Variants in PRKN observed in about 807,000 individuals in gnomAD.
PRKN encodes parkin RBR E3 ubiquitin protein ligase.
Under a neutral mutation model 59.5 loss-of-function variants are expected in PRKN, and 56 were observed. The observed-to-expected ratio is 0.94, with a 90% CI of 0.76 to 1.18. The LOEUF is 1.18. Ranked by LOEUF, PRKN falls within the 50% of genes most tolerant of loss-of-function variation. The pLI is 0.00. For synonymous variants in PRKN, 250 were observed against 222.1 expected (o/e 1.13, Z -1.12); for missense variants, 657 against 596.4 (o/e 1.10, Z -1.06).
At chr6:162,449,009 TCCCGAGTA>T (rs1356381563) in intron 1 of PRKN, among the ~76,000 whole-genome samples, 1 of 151,936 alleles carries the variant, frequency 6.6e-6, no homozygotes, top group Admixed American at 6.6e-5. Context: ...TGCCTCAGCC[TCCCGAGTA>T]CCTGCGATTA....
At chr6:161,874,042 ATT>A (rs1227555190) in intron 6 of PRKN, among the ~76,000 whole-genome samples, 12 of 68,838 alleles carry the variant, frequency 1.7e-4, no homozygotes, top group South Asian at 4.6e-4. Flanking sequence ...TAAAATATAT[ATT>A]ATATGTAAAA....
At chr6:162,254,121 C>T (rs569705295) in intron 3 of PRKN, among the ~76,000 whole-genome samples, 9 of 152,158 alleles carry the variant, frequency 5.9e-5, no homozygotes, top group South Asian at 2.1e-4. Context: ...AAGGAAGGAC[C>T]GTCTTTGACT....
intron 2 of PRKN, among the ~76,000 whole-genome samples, chr6:162,387,730 G>C (rs1217558196): frequency 6.6e-6 from 1 of 152,218 alleles, no homozygotes; most frequent in East Asian, 1.9e-4. Context: ...AGCCACACAA[G>C]TGTGGTATCT....
chr6:162,306,677 T>C (rs1465366240), intron 2 of PRKN, among the ~76,000 whole-genome samples: 2 of 152,202 alleles, frequency 1.3e-5, no homozygotes, highest in African/African-American at 4.8e-5. Context: ...TGTCCGGTAC[T>C]ACGCCAGGCA....
At chr6:162,293,605 CA>C (rs1781535150) in intron 2 of PRKN, among the ~76,000 whole-genome samples, 1 of 152,166 alleles carries the variant, frequency 6.6e-6, no homozygotes, top group Non-Finnish European at 1.5e-5. Context: ...TCCTCCACCT[CA>C]AGCCCGGTGG....
Position 161,480,818 on chromosome 6 carries a change from A to T in PRKN, c.1083+68036T>A, listed in dbSNP as rs535462562. On this transcript the variant is annotated intron_variant, in intron 9 of 11. Transcript: ENST00000366898. This position sits in a 1 kb window ranked among gnomAD's most constrained non-coding sequence, Gnocchi z 4.1. ...GCTGAAAGTATCAATAAAGAAAAGC[A>T]GGCACCGCTTTTAATTTCATTGCTA... 3.9e-4 allele frequency among the ~76,000 whole-genome samples: 59 copies of T among 152,372 alleles called. 1 individual carries two copies. The South Asian group carries it at 8.5e-3, about 22-fold the overall frequency.
chr6:161,605,345 ACAT>A (rs1782239640), intron 7 of PRKN, among the ~76,000 whole-genome samples: 1 of 152,352 alleles, frequency 6.6e-6, no homozygotes, highest in African/African-American at 2.4e-5. Context: ...TATAGAATGT[ACAT>A]GTGCACACAG....
intron 4 of PRKN, among the ~76,000 whole-genome samples, chr6:162,179,732 A>G (rs1783704896): frequency 6.6e-6 from 1 of 152,136 alleles, no homozygotes; most frequent in Admixed American, 6.6e-5. Flanking sequence ...GTCACCACCT[A>G]CTTAGTTCCC....
chr6:162,367,588 T>C (rs1320571691), intron 2 of PRKN, among the ~76,000 whole-genome samples: 2 of 152,150 alleles, frequency 1.3e-5, no homozygotes, highest in Non-Finnish European at 1.5e-5. Flanking sequence ...GATTCCTAAA[T>C]GTGGACTCAA....
rs1196861942 is a variant in PRKN, at chr6:161,405,004, C to G, written c.1084-18127G>C. On this transcript the variant is annotated intron_variant, in intron 9 of 11. Transcript: ENST00000366898. This position sits in a 1 kb window ranked among gnomAD's most constrained non-coding sequence, Gnocchi z 5.1. Reference sequence around the variant, plus strand: ...TCTCTTACTGGGATGGTCTGATATACGTTTAATGTTTTATATTTTCATTGA... The same window carrying G: ...TCTCTTACTGGGATGGTCTGATATAGGTTTAATGTTTTATATTTTCATTGA... 3.9e-4 allele frequency among the ~76,000 whole-genome samples: 60 copies of G among 152,148 alleles called. No individual in the cohort carries two copies. The highest frequency in any genetic ancestry group is 2.9e-5 in the Non-Finnish European group (2 of 68,044).
At chr6:161,990,645 A>C (rs531335946) in intron 5 of PRKN, among the ~76,000 whole-genome samples, 2 of 152,330 alleles carry the variant, frequency 1.3e-5, no homozygotes, top group Admixed American at 6.5e-5. Flanking sequence ...AAAAGATGAG[A>C]TCAGGGAGAG....
chr6:162,289,392 G>A (rs1322288803), intron 2 of PRKN, among the ~76,000 whole-genome samples: 5 of 151,868 alleles, frequency 3.3e-5, no homozygotes, highest in Non-Finnish European at 7.4e-5. Context: ...ACATTCCCAG[G>A]TGCTTCAAAA....
chr6:162,000,754 T>C (rs967675375), intron 5 of PRKN, among the ~76,000 whole-genome samples: 1 of 152,058 alleles, frequency 6.6e-6, no homozygotes, highest in South Asian at 2.1e-4. Flanking sequence ...TTTTTTCCAG[T>C]GTTACTTTCT....
chr6:161,963,061 T>C (rs1287769911), intron 6 of PRKN, among the ~76,000 whole-genome samples: 4 of 152,142 alleles, frequency 2.6e-5, no homozygotes, highest in African/African-American at 9.6e-5. Flanking sequence ...GAGAATCGCT[T>C]GAACCCAGGA....
At chr6:161,785,126 A>G (rs1790362603) in intron 7 of PRKN, among the ~76,000 whole-genome samples, 1 of 152,234 alleles carries the variant, frequency 6.6e-6, no homozygotes, top group East Asian at 1.9e-4. Flanking sequence ...GGCAGTGATT[A>G]GCTGGGTAGG....
At chr6:162,351,155 T>A in intron 2 of PRKN, among the ~76,000 whole-genome samples, 1 of 152,118 alleles carries the variant, frequency 6.6e-6, no homozygotes, top group Admixed American at 6.6e-5. Context: ...CCTGCCACTG[T>A]ACTCCGGCCT....
At chr6:162,556,483 T>C (rs1779607446) in intron 1 of PRKN, among the ~76,000 whole-genome samples, 1 of 151,260 alleles carries the variant, frequency 6.6e-6, no homozygotes, top group Non-Finnish European at 1.5e-5. Context: ...GCGCAGTGGT[T>C]CACACCTGTA....
At chr6:162,668,157 T>C (rs957238957) in intron 1 of PRKN, among the ~76,000 whole-genome samples, 5 of 152,218 alleles carry the variant, frequency 3.3e-5, no homozygotes, top group Non-Finnish European at 5.9e-5. Context: ...GAAGCAGATA[T>C]ATCCTCAGTA....
intron 7 of PRKN, among the ~76,000 whole-genome samples, chr6:161,732,104 T>G (rs1214169276): frequency 6.6e-6 from 1 of 151,616 alleles, no homozygotes; most frequent in Non-Finnish European, 1.5e-5. Flanking sequence ...TTTTTTTTTT[T>G]GAGATGGAGT....
Sources: allele counts gnomAD v4.1 joint callset (sites outside exome capture counted in the v4.1 genomes callset), GRCh38; gene constraint gnomAD v4.1.1; non-coding constraint Gnocchi (gnomAD v3.1); transcripts MANE v1.5; gene names NCBI Gene and HGNC (gene_info 2026-07-23, HGNC 2026-07-21).